The following SPTA1 variants were observed in gnomAD, a reference collection of about 807,000 sequenced individuals.
SPTA1 encodes spectrin alpha, erythrocytic 1, also known as spectrin alpha chain, erythrocytic 1.
In SPTA1, 177 loss-of-function variants were observed where a neutral mutation model predicts 324.7. The ratio of observed to expected loss-of-function variants is 0.55; its 90% CI spans 0.48 to 0.62. The LOEUF is 0.62. Among genes scored for constraint, SPTA1 ranks in the 20% least tolerant of loss-of-function variants. SPTA1 has a pLI of 0.00. For missense variants in SPTA1, 3,162 were observed against 2,883.6 expected (o/e 1.10, Z -2.21); for synonymous variants, 1,195 against 1,041.3 (o/e 1.15, Z -2.84).
chr1:158,617,876 G>A (rs1290154321), intron 46 of SPTA1, among the ~76,000 whole-genome samples, 163 bp downstream of exon 46: 1 of 152,096 alleles, frequency 6.6e-6, no homozygotes, highest in Non-Finnish European at 1.5e-5. Flanking sequence ...TGAAGTATAA[G>A]GGCAGAATGA....
chr1:158,661,317 T>C lies in SPTA1; in HGVS notation c.2557A>G (p.Thr853Ala). ...ASHEPRIQEITERGNKMVEEG... is the reference protein window; with the variant it reads ...ASHEPRIQEIAERGNKMVEEG... ...TCTACCATTTTGTTTCCCCTTTCTG[T>C]TATCTCTTGAATGCGTGGTTCATGG... The change falls in exon 18 of 52, where the codon ACA becomes GCA. Residue 853 changes from threonine to alanine, a missense_variant. Transcript: ENST00000643759. The C allele has an allele frequency of 1.2e-6, 2 of 1,613,948 alleles. No homozygotes were observed. Among genetic ancestry groups the C allele is most frequent in the Non-Finnish European group, 1.7e-6 (2 of 1,179,894 alleles).
Position 158,612,886 on chromosome 1 carries a change from A to G in SPTA1, c.7065T>C (p.Asp2355=). The G allele has an allele frequency of 6.2e-7, 1 of 1,613,968 alleles. No individual in the cohort carries two copies. The highest frequency in any genetic ancestry group is 8.5e-7 in the Non-Finnish European group (1 of 1,179,898). ...GGGCTTGGAAGGCATTCTCTATTTC[A>G]TCACTGGACTTGATGTTTTCTGACT... ...DKESENIKSS[D]EIENAFQALA... The change falls in exon 51 of 52, where the codon GAT becomes GAC. Residue 2355 remains aspartate (D), a synonymous_variant. Transcript: ENST00000643759.
chr1:158,617,796 C>T (rs1649651803), intron 46 of SPTA1, among the ~76,000 whole-genome samples: 1 of 152,168 alleles, frequency 6.6e-6, no homozygotes, highest in African/African-American at 2.4e-5. Context: ...TAGGAGAAGG[C>T]TTTCACATAC....
Position 158,671,414 on chromosome 1 carries a change from T to G in SPTA1, c.1528A>C (p.Ser510Arg). The change falls in exon 12 of 52, where the codon AGT becomes CGT. Residue 510 changes from serine to arginine, a missense_variant. Ser to Arg is a moderately radical substitution (Grantham distance 110, BLOSUM62 -1). Coordinates refer to ENST00000643759, the MANE Select transcript of SPTA1 (RefSeq NM_003126.4). ...ENEDLGNSLG[S>R]AEALLQKHED... ...TGCTTCTGAAGAAGGGCTTCTGCACTGCCCAGTGAGTTTCCCAGATCCTCG... is the reference window on the plus strand; with the variant it reads ...TGCTTCTGAAGAAGGGCTTCTGCACGGCCCAGTGAGTTTCCCAGATCCTCG... 6.2e-7 allele frequency: 1 copy of G among 1,613,284 alleles called. No homozygotes were observed. Among genetic ancestry groups the G allele is most frequent in the South Asian group, 1.1e-5 (1 of 91,038 alleles).
chr1:158,613,786 G>T lies in SPTA1; in HGVS notation c.6924C>A (p.Pro2308=). The T allele has an allele frequency of 3.7e-6, 6 of 1,613,784 alleles. No individual in the cohort carries two copies. Among genetic ancestry groups the T allele is most frequent in the Non-Finnish European group, 5.1e-6 (6 of 1,179,862 alleles). ...SCLRGLNYYL[P]MVEEDEHEPK... is the part of the protein sequence containing the mutation. ...GCTCATGTTCATCCTCCTCCACCATGGGCAAGTAGTAATTGAGTCCTCTCA... is the reference window on the plus strand; with the variant it reads ...GCTCATGTTCATCCTCCTCCACCATTGGCAAGTAGTAATTGAGTCCTCTCA... Residue 2308 remains proline (P), a synonymous_variant, in exon 50 of 52, where the codon CCC becomes CCA. Coordinates refer to ENST00000643759, the MANE Select transcript of SPTA1 (RefSeq NM_003126.4).
chr1:158,659,595 A>ATTATTTTTT (rs1345384278), intron 18 of SPTA1, among the ~76,000 whole-genome samples: 10 of 68,780 alleles, frequency 1.5e-4, no homozygotes, highest in South Asian at 1.8e-3. Flanking sequence ...TCTTAGCATT[A>ATTATTTTTT]TTTTTTTTTT....
intron 16 of SPTA1, among the ~76,000 whole-genome samples, chr1:158,664,863 G>A (rs1001290524): frequency 2.0e-5 from 3 of 152,190 alleles, no homozygotes; most frequent in Admixed American, 6.5e-5. Context: ...TGCACCAGGC[G>A]AGGGAGAGAG....
chr1:158,635,807 A>G, intron 38 of SPTA1, 106 bp downstream of exon 38: 2 of 1,519,660 alleles, frequency 1.3e-6, no homozygotes, highest in Admixed American at 1.7e-5. Flanking sequence ...ATAGATAGGT[A>G]GTTGGGGATA....
At position 158,622,972 on chromosome 1, in the gene SPTA1, T is replaced by C; in HGVS notation, c.6120+11A>G. The C allele has an allele frequency of 1.2e-6, 2 of 1,608,534 alleles. No homozygotes were observed. Among genetic ancestry groups the C allele is most frequent in the African/African-American group, 1.3e-5 (1 of 74,942 alleles). On this transcript the variant is annotated intron_variant, in intron 43 of 51. Transcript: ENST00000643759. ...ACAGAGAACTGATCATGCCTCATAA[T>C]TTTTTTAAACCTTCTGTAGAGGCAG...
intron 42 of SPTA1, among the ~76,000 whole-genome samples, chr1:158,625,624 T>G (rs2101776215): frequency 6.6e-6 from 1 of 151,630 alleles, no homozygotes; most frequent in South Asian, 2.1e-4. Context: ...AATAATACAC[T>G]ACCAAATAAT....
chr1:158,674,329 C>A lies in SPTA1; in HGVS notation c.1350G>T (p.Lys450Asn). 1 of 1,613,754 alleles carries A rather than the reference C, an allele frequency of 6.2e-7. No homozygotes were observed. The highest frequency in any genetic ancestry group is 8.5e-7 in the Non-Finnish European group (1 of 1,179,744). ...NHEASDEVREKMEILDNNWTA... is the reference protein window; with the variant it reads ...NHEASDEVRENMEILDNNWTA... The stretch of plus-strand genomic sequence containing the variant: ...GACAAACTCTGTTAAACTAGATTAC[C>A]TTTTCCCGAACTTCATCAGAGGCTT... The change falls in exon 10 of 52, where the codon AAG becomes AAT. Residue 450 changes from lysine (K) to asparagine (N), a missense_variant and splice_region_variant. Transcript: ENST00000643759.
In SPTA1 at chr1:158,611,159, AC is replaced by A; in HGVS notation, c.*104del. The stretch of plus-strand genomic sequence containing the variant: ...CACACACACACACACACACACACAC[AC>A]ACACACGAGGCCATCTTTATCTTCC... On this transcript the variant is annotated 3_prime_UTR_variant, in exon 52 of 52. Coordinates refer to ENST00000643759, the MANE Select transcript of SPTA1 (RefSeq NM_003126.4). 2 of 1,400,318 alleles carry A rather than the reference AC, an allele frequency of 1.4e-6. No homozygotes were observed. The highest frequency in any genetic ancestry group is 2.0e-6 in the Non-Finnish European group (2 of 994,740). The allele number at this position is 1,400,318 out of a possible 1,614,324, so 86.7% of individuals were successfully genotyped here.
chr1:158,614,656 A>C, intron 48 of SPTA1: 1 of 232,154 alleles, frequency 4.3e-6, no homozygotes, highest in Non-Finnish European at 8.4e-6. Context: ...TTTCACTACA[A>C]CAGCAGAATC....
At chr1:158,663,713 G>A (rs1303231139) in intron 16 of SPTA1, among the ~76,000 whole-genome samples, 2 of 152,118 alleles carry the variant, frequency 1.3e-5, no homozygotes, top group Non-Finnish European at 2.9e-5. Flanking sequence ...ACATAAGCAA[G>A]TGAGAGGTAG....
chr1:158,610,815 G>T lies in SPTA1; in HGVS notation c.*449C>A, dbSNP rs1028165412. 2 of 154,950 alleles carry T rather than the reference G, an allele frequency of 1.3e-5. No homozygotes were observed. Among genetic ancestry groups the T allele is most frequent in the Non-Finnish European group, 2.9e-5 (2 of 69,992 alleles). 9.6% of individuals were successfully genotyped at this position (154,950 alleles called of 1,614,324 possible). On this transcript the variant is annotated 3_prime_UTR_variant, in exon 52 of 52. Transcript: ENST00000643759. The stretch of plus-strand genomic sequence containing the variant: ...GATTTTATTTATCTACTATACCATG[G>T]CCCTTCTTTACAGTAAAATTAGCTG...
chr1:158,679,765 T>C (rs757878019), intron 5 of SPTA1, among the ~76,000 whole-genome samples: 5 of 152,152 alleles, frequency 3.3e-5, no homozygotes, highest in Non-Finnish European at 7.4e-5. Context: ...GTTTGTTGAT[T>C]GGTTAGACAG....
At chr1:158,622,821 T>G in intron 43 of SPTA1, 162 bp downstream of exon 43, 1 of 713,138 alleles carries the variant, frequency 1.4e-6, no homozygotes, top group Non-Finnish European at 2.3e-6. Context: ...TAAAGCTTCT[T>G]TTCAATCTAC....
intron 15 of SPTA1, among the ~76,000 whole-genome samples, chr1:158,667,482 A>C (rs1653690817): frequency 6.6e-6 from 1 of 152,200 alleles, no homozygotes; most frequent in Non-Finnish European, 1.5e-5. Context: ...CTAATGAGTC[A>C]TAATATCTTG....
chr1:158,649,497 G>T (rs1652260513), intron 25 of SPTA1, among the ~76,000 whole-genome samples: 1 of 152,126 alleles, frequency 6.6e-6, no homozygotes, highest in Non-Finnish European at 1.5e-5. Context: ...TTGTTGCCCA[G>T]GTTGGTCTAC....
Sources: gnomAD v4.1 joint callset for allele counts (sites outside exome capture counted in the v4.1 genomes callset) on GRCh38, gnomAD v4.1.1 for gene constraint, MANE v1.5 for transcripts, NCBI Gene and HGNC (gene_info 2026-07-23, HGNC 2026-07-21) for gene names.